Variants in HDX observed in about 807,000 individuals in gnomAD.
HDX encodes the protein highly divergent homeobox.
In HDX, 19 loss-of-function variants were observed where a neutral mutation model predicts 45.2. That is an observed-to-expected ratio of 0.42 (90% CI 0.29 to 0.62). HDX has a LOEUF of 0.62. Among genes scored for constraint, HDX ranks in the 20% least tolerant of loss-of-function variants. HDX has a pLI of 0.20. For synonymous variants in HDX, 188 were observed against 172.8 expected (o/e 1.09, Z -0.69); for missense variants, 532 against 493.9 (o/e 1.08, Z -0.73).
At position 84,469,001 on chromosome X, in the gene HDX, T is replaced by C. The variant is rs1191920313; in HGVS notation, c.722A>G (p.His241Arg). 2 of 1,209,950 alleles carry C rather than the reference T, an allele frequency of 1.7e-6. No homozygotes were observed. The highest frequency in any genetic ancestry group is 1.7e-5 in the African/African-American group (1 of 57,154). ...AGTTGGCTTTTGCCCACATAAGTTA[T>C]GTAATGCTGGGCCTGTGTGTTCAGG... Reference protein sequence around the residue: ...YKPEHTGPALHNLCGQKPTIR... With the variant: ...YKPEHTGPALRNLCGQKPTIR... Residue 241 changes from histidine (H) to arginine (R), a missense_variant, in exon 4 of 11, where the codon CAT becomes CGT. Physicochemically the swap from His to Arg is conservative, Grantham distance 29 (BLOSUM62 0). Transcript: ENST00000373177.
chrX:84,328,970 G>A (rs1388383243), intron 9 of HDX, among the ~76,000 whole-genome samples: 2 of 111,990 alleles, frequency 1.8e-5, no homozygotes, highest in Non-Finnish European at 3.8e-5. Flanking sequence ...AGAAAGGGGG[G>A]ACAACTGGAA....
At chrX:84,427,659 G>GT (rs1321124514) in intron 5 of HDX, among the ~76,000 whole-genome samples, 1 of 110,893 alleles carries the variant, frequency 9.0e-6, no homozygotes, top group African/African-American at 3.3e-5. Flanking sequence ...TTGTTGTGTA[G>GT]TTTTTTTCCT....
Position 84,349,503 on chromosome X carries a change from A to G in HDX, c.1453-5046T>C, listed in dbSNP as rs754986131. On this transcript the variant is annotated intron_variant, in intron 6 of 10. Transcript: ENST00000373177. ...TAGGAGCTAGGGTTAGGGTTGTTACATATATGTATAAATGTGTGTGTGTAT... is the reference window on the plus strand; with the variant it reads ...TAGGAGCTAGGGTTAGGGTTGTTACGTATATGTATAAATGTGTGTGTGTAT... Among the ~76,000 whole-genome samples the G allele has an allele frequency of 2.5e-3, 246 of 96,662 alleles. 2 individuals carry two copies. Among genetic ancestry groups the G allele is most frequent in the African/African-American group, 9.1e-3 (237 of 26,098 alleles). 83.9% of individuals were successfully genotyped at this position (96,662 alleles called of 115,157 possible).
intron 5 of HDX, among the ~76,000 whole-genome samples, chrX:84,401,285 CTT>C (rs2038699300): frequency 9.0e-6 from 1 of 111,691 alleles, no homozygotes; most frequent in African/African-American, 3.3e-5. Flanking sequence ...AATGGGAGAA[CTT>C]TTTTCCAATA....
intron 5 of HDX, among the ~76,000 whole-genome samples, chrX:84,398,453 A>G (rs1297419856): frequency 8.9e-6 from 1 of 111,894 alleles, no homozygotes; most frequent in East Asian, 2.8e-4. Context: ...ACTTTAAACC[A>G]ACAAAGATCA....
At chrX:84,347,977 T>C (rs73237162) in intron 6 of HDX, among the ~76,000 whole-genome samples, 2,174 of 111,094 alleles carry the variant, frequency 0.02, 21 homozygotes, top group Middle Eastern at 0.069. Context: ...ACGCCAAGCA[T>C]TGTGGATCTG....
chrX:84,339,903 A>G (rs1272891065), intron 7 of HDX, among the ~76,000 whole-genome samples: 1 of 111,984 alleles, frequency 8.9e-6, no homozygotes, highest in African/African-American at 3.2e-5. Flanking sequence ...GTTCAAACAT[A>G]AATTTATTTT....
intron 5 of HDX, among the ~76,000 whole-genome samples, chrX:84,422,745 T>C (rs2039287200): frequency 1.1e-5 from 1 of 94,184 alleles, no homozygotes. Flanking sequence ...CTCTGCTCAC[T>C]GCAAGCTCCG....
intron 5 of HDX, among the ~76,000 whole-genome samples, chrX:84,374,718 C>A (rs2037996515): frequency 9.1e-6 from 1 of 109,827 alleles, no homozygotes; most frequent in East Asian, 2.8e-4. Flanking sequence ...TGGATCCCTT[C>A]ATTACACCTT....
intron 5 of HDX, among the ~76,000 whole-genome samples, chrX:84,417,388 A>G (rs2039139247): frequency 8.9e-6 from 1 of 112,062 alleles, no homozygotes; most frequent in Non-Finnish European, 1.9e-5. Flanking sequence ...TGAGATCAGC[A>G]GCAGAGAAAT....
intron 5 of HDX, among the ~76,000 whole-genome samples, chrX:84,371,901 A>T (rs1306395322): frequency 8.9e-6 from 1 of 112,000 alleles, no homozygotes; most frequent in African/African-American, 3.2e-5. Flanking sequence ...CACTTTCACC[A>T]TATCTACTGT....
rs910362254 is a variant in HDX at position 84,498,706 on chromosome X, T to C, written c.-110+3636A>G. On this transcript the variant is annotated intron_variant, in intron 1 of 10. Transcript: ENST00000373177. ...CATGCTATATTTTTTCAATCAAGAC[T>C]GAGAGAGTGTGTTTTAATAAAATAT... Among the ~76,000 whole-genome samples the C allele has an allele frequency of 2.7e-5, 3 of 111,549 alleles. No individual in the cohort carries two copies. In the Admixed American group the frequency reaches 2.9e-4, roughly 11 times the overall value.
chrX:84,339,668 GGAT>G (rs1387075646), intron 7 of HDX, among the ~76,000 whole-genome samples: 1 of 111,111 alleles, frequency 9.0e-6, no homozygotes, highest in Non-Finnish European at 1.9e-5. Flanking sequence ...TCTGCTAATT[GGAT>G]AATAAAGTGG....
chrX:84,326,127 C>A, intron 10 of HDX, 51 bp downstream of exon 10: 1 of 1,150,378 alleles, frequency 8.7e-7, no homozygotes. Context: ...GTGTGACATA[C>A]CATTTTTTGA....
At chrX:84,334,450 G>C (rs150545354) in intron 8 of HDX, among the ~76,000 whole-genome samples, 9,096 of 109,489 alleles carry the variant, frequency 0.083, 392 homozygotes, top group East Asian at 0.26. Flanking sequence ...GAGGAAAAGG[G>C]AGAAAGAGAA....
intron 2 of HDX, among the ~76,000 whole-genome samples, chrX:84,487,774 T>A (rs1266596473): frequency 8.9e-6 from 1 of 111,888 alleles, no homozygotes; most frequent in Non-Finnish European, 1.9e-5. Context: ...AAATATAGGG[T>A]TTCCCTTAGA....
At chrX:84,429,043 A>T (rs2039445928) in intron 5 of HDX, among the ~76,000 whole-genome samples, 1 of 110,594 alleles carries the variant, frequency 9.0e-6, no homozygotes, top group African/African-American at 3.3e-5. Flanking sequence ...TATTTCACTG[A>T]TTTATTCATC....
chrX:84,385,191 G>C lies in HDX; in HGVS notation c.1306-23579C>G, dbSNP rs770062495. ...TTTTCCATATATTTGTGTCATCTCT[G>C]ATTTCTTTTTTTTTTTTTTTTTTTT... On this transcript the variant is annotated intron_variant, in intron 5 of 10. Transcript: ENST00000373177. 5.6e-3 allele frequency among the ~76,000 whole-genome samples: 241 copies of C among 43,214 alleles called. 3 individuals carry two copies. Among genetic ancestry groups the C allele is most frequent in the African/African-American group, 0.019 (227 of 11,953 alleles). The allele number at this position is 43,214 out of a possible 115,157, so 37.5% of individuals were successfully genotyped here. A position where few individuals can be genotyped will look rare whatever the true frequency, so the allele number is the denominator to read the frequency against.
intron 2 of HDX, among the ~76,000 whole-genome samples, chrX:84,482,813 C>A (rs1368428777): frequency 8.9e-6 from 1 of 111,741 alleles, no homozygotes; most frequent in African/African-American, 3.3e-5. Context: ...TCATCTGAGA[C>A]AAGGCAAGTC....
Sources: allele counts gnomAD v4.1 joint callset (sites outside exome capture counted in the v4.1 genomes callset), GRCh38; gene constraint gnomAD v4.1.1; transcripts MANE v1.5; gene names NCBI Gene and HGNC (gene_info 2026-07-23, HGNC 2026-07-21).